The following UBE2C variants were observed in gnomAD, a reference collection of about 807,000 sequenced individuals.
The protein encoded by UBE2C is ubiquitin-conjugating enzyme E2 C.
UBE2C carries 16 observed loss-of-function variants against 23.5 expected under a neutral mutation model. That is an observed-to-expected ratio of 0.68 (90% CI 0.46 to 1.03). The LOEUF (loss-of-function observed/expected upper bound fraction) is 1.03, where lower values mean the gene tolerates loss of function less well. Among genes scored for constraint, UBE2C ranks in the 50% least tolerant of loss-of-function variants. The pLI is 0.00. For missense variants in UBE2C, 192 were observed against 227.6 expected (o/e 0.84, Z 1.01); for synonymous variants, 76 against 91.6 (o/e 0.83, Z 0.97).
chr20:45,815,833 T>A (rs1440418253), intron 4 of UBE2C, 21 bp from the exon 5 acceptor site: 1 of 1,613,958 alleles, frequency 6.2e-7, no homozygotes, highest in Non-Finnish European at 8.5e-7. Context: ...GCCTTGACCT[T>A]CTCTTTCTCT....
intron 1 of UBE2C, 101 bp from the exon 2 acceptor site, chr20:45,813,336 C>T (rs918716329): frequency 1.2e-6 from 2 of 1,609,058 alleles, no homozygotes; most frequent in Non-Finnish European, 8.5e-7. Flanking sequence ...TGTGGGGAGC[C>T]TCCATGACGG....
Position 45,814,583 on chromosome 20 carries a change from T to C in UBE2C, c.216+113T>C. 3 of 760,818 alleles carry C rather than the reference T, an allele frequency of 3.9e-6. No individual in the cohort carries two copies. The East Asian group carries it at 9.4e-5, about 24-fold the overall frequency. 47.1% of individuals were successfully genotyped at this position (760,818 alleles called of 1,614,324 possible). A position where few individuals can be genotyped will look rare whatever the true frequency, so the allele number is the denominator to read the frequency against. On this transcript the variant is annotated intron_variant, in intron 3 of 5. Transcript: ENST00000356455. ...GAGCAAGACACTCCTCCTGTGACTG[T>C]TTACATTCTCTGAGCCATGTGGCCT...
intron 1 of UBE2C, chr20:45,813,202 C>A (rs1186352362): frequency 2.8e-6 from 4 of 1,429,874 alleles, no homozygotes; most frequent in Non-Finnish European, 3.6e-6. Context: ...GATGCTAAAG[C>A]CTGGGGAATT....
intron 3 of UBE2C, chr20:45,815,280 A>T: frequency 8.8e-7 from 1 of 1,131,074 alleles, no homozygotes; most frequent in Non-Finnish European, 1.2e-6. Flanking sequence ...GCACTTTGGG[A>T]GGCTGAGGCA....
rs1601039184 is a variant in UBE2C at position 45,813,183 on chromosome 20, C to T, written c.102-254C>T. ...AGGGGAAGGGAGAAGTTGAGTCGGG[C>T]AAGGAAGAGATGCTAAAGCCTGGGG... On this transcript the variant is annotated intron_variant, in intron 1 of 5. Coordinates refer to ENST00000356455, the MANE Select transcript of UBE2C (RefSeq NM_007019.4). The T allele has an allele frequency of 1.1e-5, 16 of 1,413,584 alleles. No homozygotes were observed. In the East Asian group the frequency reaches 4.2e-4, roughly 37 times the overall value. 87.6% of individuals were successfully genotyped at this position (1,413,584 alleles called of 1,614,324 possible). A position where few individuals can be genotyped will look rare whatever the true frequency, so the allele number is the denominator to read the frequency against.
In UBE2C at chr20:45,812,688, C is replaced by T. The variant is rs1315274112; in HGVS notation, c.-8C>T. 4 of 1,551,050 alleles carry T rather than the reference C, an allele frequency of 2.6e-6. No homozygotes were observed. Among genetic ancestry groups the T allele is most frequent in the South Asian group, 2.4e-5 (2 of 84,088 alleles). On this transcript the variant is annotated 5_prime_UTR_variant, in exon 1 of 6. Transcript: ENST00000356455. ...CCGAGTTCCTGTCTCTCTGCCAACG[C>T]CGCCCGGATGGCTTCCCAAAACCGC...
intron 3 of UBE2C, 137 bp from the exon 4 acceptor site, chr20:45,815,404 C>CA (rs768631028): frequency 1.4e-5 from 23 of 1,604,270 alleles, no homozygotes; most frequent in Non-Finnish European, 1.8e-5. Context: ...TGGGGAGCAT[C>CA]AGAACCAGCT....
intron 2 of UBE2C, 107 bp downstream of exon 2, chr20:45,813,571 T>C: frequency 1.3e-6 from 2 of 1,491,474 alleles, no homozygotes; most frequent in South Asian, 1.1e-5. Context: ...ATTTGCTCCC[T>C]CCTGGGAAAG....
intron 3 of UBE2C, among the ~76,000 whole-genome samples, chr20:45,814,940 G>A (rs953808658): frequency 6.3e-5 from 4 of 63,844 alleles, no homozygotes; most frequent in Middle Eastern, 4.5e-3. Flanking sequence ...CCGGGTTCAC[G>A]CCATTCTCCT....
Position 45,816,797 on chromosome 20 carries a change from T to C in UBE2C, c.*30T>C. On this transcript the variant is annotated 3_prime_UTR_variant, in exon 6 of 6. Transcript: ENST00000356455. The stretch of plus-strand genomic sequence containing the variant: ...GGCTGCCCAGCCTGTCCTTGTGTCG[T>C]CTTTTTAATTTTTCCTTAGATGGTC... 1 of 1,599,274 alleles carries C rather than the reference T, an allele frequency of 6.3e-7. No homozygotes were observed. Among genetic ancestry groups the C allele is most frequent in the Non-Finnish European group, 8.5e-7 (1 of 1,172,830 alleles).
intron 3 of UBE2C, among the ~76,000 whole-genome samples, chr20:45,814,943 A>G (rs868386543): frequency 1.4e-4 from 7 of 50,300 alleles, no homozygotes; most frequent in Non-Finnish European, 2.6e-4. Flanking sequence ...GGTTCACGCC[A>G]TTCTCCTGCC....
At chr20:45,815,982 G>C in intron 5 of UBE2C, 69 bp downstream of exon 5, 1 of 1,558,274 alleles carries the variant, frequency 6.4e-7, no homozygotes, top group Non-Finnish European at 8.7e-7. Context: ...CAAACAAAAG[G>C]AGCCCAGTGA....
At chr20:45,816,080 A>G (rs922557922) in intron 5 of UBE2C, among the ~76,000 whole-genome samples, 167 bp downstream of exon 5, 1 of 152,246 alleles carries the variant, frequency 6.6e-6, no homozygotes, top group East Asian at 1.9e-4. Flanking sequence ...GCTATAAAAT[A>G]GCAATTGTTT....
chr20:45,814,499 A>G, intron 3 of UBE2C, 29 bp downstream of exon 3: 1 of 1,577,172 alleles, frequency 6.3e-7, no homozygotes, highest in Non-Finnish European at 8.7e-7. Context: ...TGGGTGAGTG[A>G]GTCTGGGGAA....
At chr20:45,816,633 T>C in intron 5 of UBE2C, 76 bp from the exon 6 acceptor site, 1 of 1,388,202 alleles carries the variant, frequency 7.2e-7, no homozygotes, top group Non-Finnish European at 1.0e-6. Context: ...TGAGACTCCA[T>C]CTCAAAAATA....
intron 2 of UBE2C, among the ~76,000 whole-genome samples, 143 bp from the exon 3 acceptor site, chr20:45,814,219 CACATATATATGTGTGTGTGTAT>C (rs537628101): frequency 8.6e-5 from 8 of 93,052 alleles, no homozygotes; most frequent in South Asian, 5.9e-4. Context: ...CATATATATA[CACATATATATGTGTGTGTGTAT>C]ACATATATAT....
intron 2 of UBE2C, among the ~76,000 whole-genome samples, chr20:45,814,139 T>TCTCTCTCTCC (rs1171013540): frequency 6.9e-6 from 1 of 145,938 alleles, no homozygotes; most frequent in Non-Finnish European, 1.5e-5. Context: ...TCTCTCTCTC[T>TCTCTCTCTCC]CTCTCTCTAT....
intron 5 of UBE2C, among the ~76,000 whole-genome samples, chr20:45,816,402 G>A (rs1015051961): frequency 3.3e-5 from 5 of 152,212 alleles, no homozygotes; most frequent in East Asian, 1.9e-4. Context: ...TGGGGAGGCC[G>A]AGGTGGGTGG....
At chr20:45,813,725 C>G (rs1982157776) in intron 2 of UBE2C, among the ~76,000 whole-genome samples, 1 of 152,080 alleles carries the variant, frequency 6.6e-6, no homozygotes, top group Non-Finnish European at 1.5e-5. Flanking sequence ...TAGCCCCAAC[C>G]AAGCTTTACC....
Sources: allele counts gnomAD v4.1 joint callset (sites outside exome capture counted in the v4.1 genomes callset), GRCh38; gene constraint gnomAD v4.1.1; transcripts MANE v1.5; gene names NCBI Gene and HGNC (gene_info 2026-07-23, HGNC 2026-07-21).